CRIM1: variants seen among roughly 807,000 people sequenced by gnomAD.
The protein encoded by CRIM1 is cysteine rich transmembrane BMP regulator 1.
In CRIM1, 32 loss-of-function variants were observed where a neutral mutation model predicts 116.4. The observed-to-expected ratio is 0.27, with a 90% CI of 0.21 to 0.37. The LOEUF (loss-of-function observed/expected upper bound fraction) is 0.37. Ranked by LOEUF, CRIM1 falls within the 10% of genes least tolerant of loss-of-function variation. The pLI, the probability that CRIM1 is intolerant of heterozygous loss-of-function variation, is 1.00. For synonymous variants in CRIM1, 590 were observed against 509.2 expected (o/e 1.16, Z -2.13); for missense variants, 1,331 against 1,354.8 (o/e 0.98, Z 0.28).
At chr2:36,377,352 A>G (rs1326330045) in intron 1 of CRIM1, among the ~76,000 whole-genome samples, 1 of 152,270 alleles carries the variant, frequency 6.6e-6, no homozygotes, top group Admixed American at 6.5e-5. Context: ...CCTGCCCAGT[A>G]GAAATGACTT....
chr2:36,478,787 AAG>A (rs1227149551), intron 6 of CRIM1, among the ~76,000 whole-genome samples: 3 of 152,214 alleles, frequency 2.0e-5, no homozygotes, highest in Non-Finnish European at 4.4e-5. Context: ...ATAGAGGGAT[AAG>A]AGAGGGTTTC....
intron 2 of CRIM1, among the ~76,000 whole-genome samples, chr2:36,434,607 C>T (rs959100249): frequency 1.3e-5 from 2 of 152,204 alleles, no homozygotes; most frequent in South Asian, 2.1e-4. Flanking sequence ...TGAGTAGAGG[C>T]GTGCCCCACA....
intron 7 of CRIM1, among the ~76,000 whole-genome samples, chr2:36,497,865 T>C (rs998360439): frequency 6.6e-6 from 1 of 152,190 alleles, no homozygotes; most frequent in African/African-American, 2.4e-5. Context: ...AAAACACTTA[T>C]TTTGATCTCT....
chr2:36,451,113 G>C (rs901312555), intron 4 of CRIM1, among the ~76,000 whole-genome samples: 4 of 152,202 alleles, frequency 2.6e-5, no homozygotes, highest in Non-Finnish European at 5.9e-5. Context: ...GGTTAAAACA[G>C]TTAAATAATT....
At chr2:36,487,484 C>G (rs1679908682) in intron 7 of CRIM1, among the ~76,000 whole-genome samples, 1 of 150,670 alleles carries the variant, frequency 6.6e-6, no homozygotes, top group South Asian at 2.1e-4. Context: ...ATATCCTTAG[C>G]TTTGTAAACC....
At position 36,550,635 on chromosome 2, in the gene CRIM1, G is replaced by A. The variant is rs1032854031; in HGVS notation, c.*1934G>A. The stretch of plus-strand genomic sequence containing the variant: ...GAATATCAAAAAGAAAAAGAAAAAG[G>A]TGTTCTAGCTGTTTGCATCAAAGGA... On this transcript the variant is annotated 3_prime_UTR_variant, in exon 17 of 17. Coordinates refer to ENST00000280527, the MANE Select transcript of CRIM1 (RefSeq NM_016441.3). 6.6e-6 allele frequency: 1 copy of A among 152,290 alleles called. No homozygotes were observed. Among genetic ancestry groups the A allele is most frequent in the Non-Finnish European group, 1.5e-5 (1 of 67,946 alleles). 9.4% of individuals were successfully genotyped at this position (152,290 alleles called of 1,614,324 possible).
intron 1 of CRIM1, among the ~76,000 whole-genome samples, chr2:36,371,421 A>G (rs1172508820): frequency 2.0e-5 from 3 of 152,180 alleles, no homozygotes; most frequent in South Asian, 2.1e-4. Context: ...GAAGAACTCA[A>G]TGAGCATTTG....
intron 7 of CRIM1, among the ~76,000 whole-genome samples, chr2:36,498,858 A>G (rs951311088): frequency 6.6e-6 from 1 of 152,270 alleles, no homozygotes; most frequent in Non-Finnish European, 1.5e-5. Context: ...ATTATAAAAA[A>G]TAAACCGGAA....
At chr2:36,403,399 C>A (rs1672559564) in intron 2 of CRIM1, among the ~76,000 whole-genome samples, 1 of 152,180 alleles carries the variant, frequency 6.6e-6, no homozygotes, top group African/African-American at 2.4e-5. Context: ...TACTATACAT[C>A]ATTGTTTTAT....
At position 36,503,801 on chromosome 2, in the gene CRIM1, C is replaced by G. The variant is rs75715261; in HGVS notation, c.1501+4454C>G. ...TTATTTTTCTGCATCCCATCAAAAC[C>G]TTTTTCACATACAGTAGTCCTAAGC... On this transcript the variant is annotated intron_variant, in intron 8 of 16. Coordinates refer to ENST00000280527, the MANE Select transcript of CRIM1 (RefSeq NM_016441.3). Among the ~76,000 whole-genome samples, 1,333 of 152,142 alleles carry G rather than the reference C, an allele frequency of 8.8e-3. 16 individuals are homozygous for G. The highest frequency in any genetic ancestry group is 0.031 in the African/African-American group (1,282 of 41,508).
At chr2:36,526,711 G>A (rs1259912716) in intron 13 of CRIM1, among the ~76,000 whole-genome samples, 1 of 152,190 alleles carries the variant, frequency 6.6e-6, no homozygotes, top group African/African-American at 2.4e-5. Flanking sequence ...CTGGAGGGGG[G>A]ACCGTGAGTC....
intron 1 of CRIM1, among the ~76,000 whole-genome samples, chr2:36,377,067 C>T (rs751348298): frequency 1.4e-4 from 22 of 152,294 alleles, no homozygotes; most frequent in Non-Finnish European, 2.1e-4. Flanking sequence ...ATGTGGGTTC[C>T]GGAAGGCCCA....
intron 7 of CRIM1, among the ~76,000 whole-genome samples, chr2:36,496,197 A>G (rs1197990339): frequency 1.3e-5 from 2 of 152,208 alleles, no homozygotes; most frequent in Non-Finnish European, 2.9e-5. Flanking sequence ...AATGAGATGT[A>G]TTTGTTAAAT....
intron 7 of CRIM1, among the ~76,000 whole-genome samples, chr2:36,482,174 C>T (rs1187372619): frequency 6.6e-6 from 1 of 152,180 alleles, no homozygotes; most frequent in Non-Finnish European, 1.5e-5. Flanking sequence ...TCTGATCTCT[C>T]ATCAAACGTT....
At chr2:36,506,356 T>C (rs1681422204) in intron 8 of CRIM1, among the ~76,000 whole-genome samples, 1 of 151,928 alleles carries the variant, frequency 6.6e-6, no homozygotes, top group African/African-American at 2.4e-5. Context: ...GAACTGGTTT[T>C]TATTCCCCTC....
At chr2:36,432,149 T>A (rs1674943188) in intron 2 of CRIM1, among the ~76,000 whole-genome samples, 1 of 152,232 alleles carries the variant, frequency 6.6e-6, no homozygotes, top group Non-Finnish European at 1.5e-5. Flanking sequence ...CATTCTCTAA[T>A]AATTTTGATT....
In CRIM1 at chr2:36,550,414, T is replaced by G. The variant is rs1259237478; in HGVS notation, c.*1713T>G. On this transcript the variant is annotated 3_prime_UTR_variant, in exon 17 of 17. Transcript: ENST00000280527. ...AACCCATTTGTGCATTGAGTTTTCTTTTAAAAATGCTTGTTGTGAAAGACA... is the reference window on the plus strand; with the variant it reads ...AACCCATTTGTGCATTGAGTTTTCTGTTAAAAATGCTTGTTGTGAAAGACA... The G allele has an allele frequency of 1.3e-5, 2 of 152,370 alleles. No homozygotes were observed. The highest frequency in any genetic ancestry group is 2.4e-5 in the African/African-American group (1 of 41,236). The allele number at this position is 152,370 out of a possible 1,614,324, so 9.4% of individuals were successfully genotyped here. A position where few individuals can be genotyped will look rare whatever the true frequency, so the allele number is the denominator to read the frequency against.
chr2:36,527,162 TTTAC>T (rs1481385153), intron 13 of CRIM1, among the ~76,000 whole-genome samples: 2 of 151,014 alleles, frequency 1.3e-5, no homozygotes, highest in African/African-American at 4.8e-5. Flanking sequence ...AATATAAATA[TTTAC>T]TTATACATTA....
chr2:36,441,267 C>G lies in CRIM1; in HGVS notation c.515C>G (p.Pro172Arg), dbSNP rs766992854. 4 of 1,614,042 alleles carry G rather than the reference C, an allele frequency of 2.5e-6. No homozygotes were observed. The highest frequency in any genetic ancestry group is 3.4e-6 in the Non-Finnish European group (4 of 1,180,022). Residue 172 changes from proline (P) to arginine (R), a missense_variant, in exon 3 of 17, where the codon CCA becomes CGA. Transcript: ENST00000280527. ...SALKRIEEEK[P>R]DCSKARCEVQ... The stretch of plus-strand genomic sequence containing the variant: ...TTTCTCTCCCTTTTAGAAGAGAAGC[C>G]AGATTGCTCCAAGGCCCGCTGTGAA...
Sources: gnomAD v4.1 joint callset for allele counts (sites outside exome capture counted in the v4.1 genomes callset) on GRCh38, gnomAD v4.1.1 for gene constraint, MANE v1.5 for transcripts, NCBI Gene and HGNC (gene_info 2026-07-23, HGNC 2026-07-21) for gene names.